BNIP2: variants seen among roughly 807,000 people sequenced by gnomAD.
The protein encoded by BNIP2 is BCL2 interacting protein 2.
BNIP2 carries 36 observed loss-of-function variants against 43.4 expected under a neutral mutation model. The observed-to-expected ratio is 0.83, with a 90% confidence interval of 0.64 to 1.10. BNIP2 has a LOEUF of 1.10. Ranked by LOEUF, BNIP2 falls within the 50% of genes least tolerant of loss-of-function variation. The probability of loss-of-function intolerance (pLI) is 0.00; values close to 1 mark genes in which losing one functional copy is unlikely to be tolerated. For synonymous variants in BNIP2, 146 were observed against 121.0 expected (o/e 1.21, Z -1.35); for missense variants, 417 against 374.1 (o/e 1.11, Z -0.95).
rs541566774 is a variant in BNIP2 at position 59,662,793 on chromosome 15, A to C, written c.*1276T>G. The C allele has an allele frequency of 6.6e-6, 1 of 152,236 alleles. No individual in the cohort carries two copies. Among genetic ancestry groups the C allele is most frequent in the Non-Finnish European group, 1.5e-5 (1 of 68,038 alleles). The allele number at this position is 152,236 out of a possible 1,614,324, so 9.4% of individuals were successfully genotyped here. On this transcript the variant is annotated 3_prime_UTR_variant, in exon 10 of 10. Transcript: ENST00000607373. ...CTTACCAGCTGTGTATGAGCCTTTC[A>C]AGTATATGACACAATATCAGATCAA...
intron 1 of BNIP2, among the ~76,000 whole-genome samples, chr15:59,686,791 C>T (rs779495360): frequency 2.0e-5 from 3 of 152,054 alleles, no homozygotes; most frequent in Non-Finnish European, 2.9e-5. Flanking sequence ...CTGAGGCGGA[C>T]GGATCACCTG....
At chr15:59,677,719 A>G (rs1893396254) in intron 5 of BNIP2, 192 bp downstream of exon 5, 3 of 1,144,256 alleles carry the variant, frequency 2.6e-6, no homozygotes, top group Non-Finnish European at 3.4e-6. Context: ...CCCCTTGTGT[A>G]AAGTTACAAA....
intron 1 of BNIP2, among the ~76,000 whole-genome samples, chr15:59,684,408 C>G (rs1306603227): frequency 6.6e-6 from 1 of 152,184 alleles, no homozygotes; most frequent in Non-Finnish European, 1.5e-5. Context: ...TTATTTAGCA[C>G]TTTCTCTGTT....
intron 1 of BNIP2, among the ~76,000 whole-genome samples, chr15:59,685,499 T>C (rs971065652): frequency 2.6e-5 from 4 of 152,094 alleles, no homozygotes; most frequent in South Asian, 2.1e-4. Context: ...AGACTCTGTC[T>C]CAAAAAACAA....
In BNIP2 at chr15:59,663,550, CTTATGA is replaced by C. The variant is rs1325551936; in HGVS notation, c.*513_*518del. The C allele has an allele frequency of 6.6e-6, 1 of 152,544 alleles. No homozygotes were observed. Among genetic ancestry groups the C allele is most frequent in the African/African-American group, 2.4e-5 (1 of 41,398 alleles). The allele number at this position is 152,544 out of a possible 1,614,324, so 9.4% of individuals were successfully genotyped here. A position where few individuals can be genotyped will look rare whatever the true frequency, so the allele number is the denominator to read the frequency against. ...GACAATCAGTTTAACCATCTGTTGCCTTATGAAAAACTTAATTTCCTAAGTTACCCA... is the reference window on the plus strand; with the variant it reads ...GACAATCAGTTTAACCATCTGTTGCCAAAACTTAATTTCCTAAGTTACCCA... On this transcript the variant is annotated 3_prime_UTR_variant, in exon 10 of 10. Transcript: ENST00000607373.
chr15:59,674,101 C>CAAA (rs1315173579), intron 5 of BNIP2, among the ~76,000 whole-genome samples: 1 of 140,042 alleles, frequency 7.1e-6, no homozygotes, highest in African/African-American at 2.6e-5. Context: ...AAAAAAAAAA[C>CAAA]AAAAACAAAA....
intron 4 of BNIP2, chr15:59,678,515 T>C (rs1423783931): frequency 9.3e-7 from 1 of 1,076,360 alleles, no homozygotes; most frequent in Non-Finnish European, 1.1e-6. Context: ...AAATTAACTG[T>C]AATACCAGAT....
intron 1 of BNIP2, among the ~76,000 whole-genome samples, chr15:59,687,352 CTTTTT>C (rs35912734): frequency 1.5e-5 from 2 of 137,762 alleles, no homozygotes; most frequent in Non-Finnish European, 1.6e-5. Flanking sequence ...TCTTTTCATC[CTTTTT>C]TTTTTTTTTT....
intron 4 of BNIP2, chr15:59,678,541 A>T: frequency 9.3e-7 from 1 of 1,078,942 alleles, no homozygotes; most frequent in South Asian, 2.5e-5. Flanking sequence ...GTGGTTAACT[A>T]CTCAATGATC....
intron 8 of BNIP2, 26 bp from the exon 9 acceptor site, chr15:59,669,016 CT>C (rs1359313390): frequency 1.3e-6 from 2 of 1,565,968 alleles, no homozygotes; most frequent in African/African-American, 2.7e-5. Flanking sequence ...AAAATAATTA[CT>C]TCCATATTTC....
chr15:59,669,584 A>G (rs1892777683), intron 7 of BNIP2, among the ~76,000 whole-genome samples: 1 of 152,250 alleles, frequency 6.6e-6, no homozygotes, highest in South Asian at 2.1e-4. Flanking sequence ...TTACGTCCAC[A>G]GTATAGCCTG....
chr15:59,678,953 A>C, intron 4 of BNIP2: 2 of 932,866 alleles, frequency 2.1e-6, no homozygotes, highest in Non-Finnish European at 2.8e-6. Context: ...AGGGAAGAAA[A>C]AAGAAACCAA....
At chr15:59,675,348 T>G (rs1229987757) in intron 5 of BNIP2, among the ~76,000 whole-genome samples, 1 of 151,984 alleles carries the variant, frequency 6.6e-6, no homozygotes, top group Non-Finnish European at 1.5e-5. Flanking sequence ...CGGTGGCTCA[T>G]GCCTGTAATC....
At chr15:59,680,029 C>G (rs1893561865) in intron 3 of BNIP2, among the ~76,000 whole-genome samples, 1 of 152,102 alleles carries the variant, frequency 6.6e-6, no homozygotes, top group Non-Finnish European at 1.5e-5. Flanking sequence ...TCTCCTCCAC[C>G]CCTTTACTGT....
intron 2 of BNIP2, among the ~76,000 whole-genome samples, chr15:59,682,110 C>T (rs1395052626): frequency 2.0e-5 from 3 of 151,944 alleles, no homozygotes; most frequent in East Asian, 1.9e-4. Context: ...AGGCAGATCA[C>T]GAGGTCAGGA....
chr15:59,676,936 G>A, intron 5 of BNIP2: 3 of 1,611,518 alleles, frequency 1.9e-6, no homozygotes, highest in South Asian at 1.1e-5. Flanking sequence ...CCCTCTGCGA[G>A]AACAGCATGA....
Position 59,689,214 on chromosome 15 carries a change from G to A in BNIP2, c.-137C>T. Reference sequence around the variant, plus strand: ...GGGGCTGACGGCCAGGTCGCAAAAAGCAGGGCCGAGCGGAGCCCGCTCCCC... The same window carrying A: ...GGGGCTGACGGCCAGGTCGCAAAAAACAGGGCCGAGCGGAGCCCGCTCCCC... On this transcript the variant is annotated 5_prime_UTR_variant, in exon 1 of 10. Transcript: ENST00000607373. 6.5e-7 allele frequency: 1 copy of A among 1,540,536 alleles called. No homozygotes were observed. The highest frequency in any genetic ancestry group is 8.7e-7 in the Non-Finnish European group (1 of 1,146,362).
chr15:59,666,432 C>T (rs958649326), intron 9 of BNIP2, among the ~76,000 whole-genome samples: 5 of 152,078 alleles, frequency 3.3e-5, no homozygotes, highest in East Asian at 3.9e-4. Flanking sequence ...TTTGGGAGGC[C>T]GAGGTGGGTG....
At position 59,689,225 on chromosome 15, in the gene BNIP2, C is replaced by A. The variant is rs1229230484; in HGVS notation, c.-148G>T. On this transcript the variant is annotated 5_prime_UTR_variant, in exon 1 of 10. Transcript: ENST00000607373. Reference sequence around the variant, plus strand: ...CCAGGTCGCAAAAAGCAGGGCCGAGCGGAGCCCGCTCCCCTCGGTCGGCGG... The same window carrying A: ...CCAGGTCGCAAAAAGCAGGGCCGAGAGGAGCCCGCTCCCCTCGGTCGGCGG... The A allele has an allele frequency of 2.1e-5, 32 of 1,541,100 alleles. No homozygotes were observed. The highest frequency in any genetic ancestry group is 2.6e-5 in the Non-Finnish European group (30 of 1,146,318).
Sources: allele counts gnomAD v4.1 joint callset (sites outside exome capture counted in the v4.1 genomes callset), GRCh38; gene constraint gnomAD v4.1.1; transcripts MANE v1.5; gene names NCBI Gene and HGNC (gene_info 2026-07-23, HGNC 2026-07-21).